TRANK1: variants seen among roughly 807,000 people sequenced by gnomAD.
The protein encoded by TRANK1 is tetratricopeptide repeat and ankyrin repeat containing 1.
A neutral mutation model predicts 266.0 loss-of-function variants in TRANK1; 198 were observed. The observed-to-expected ratio is 0.74, with a 90% confidence interval of 0.66 to 0.84. TRANK1 has a LOEUF of 0.84. TRANK1 is among the 40% of genes least tolerant of loss of function. The probability of loss-of-function intolerance (pLI) is 0.00; values close to 1 mark genes in which losing one functional copy is unlikely to be tolerated. For missense variants in TRANK1, 3,326 were observed against 3,634.6 expected (o/e 0.92, Z 2.18); for synonymous variants, 1,396 against 1,384.1 (o/e 1.01, Z -0.19).
chr3:36,831,681 C>T lies in TRANK1; in HGVS notation c.7902G>A (p.Leu2634=). The T allele has an allele frequency of 6.2e-7, 1 of 1,614,024 alleles. No individual in the cohort carries two copies. The change falls in exon 22 of 24, where the codon CTG becomes CTA. Residue 2634 remains leucine, a synonymous_variant. Coordinates refer to ENST00000645898, the MANE Select transcript of TRANK1 (RefSeq NM_001329998.2). The surrounding 1 kb of genome is among the most constrained non-coding windows in gnomAD (Gnocchi z 5.0). ...VKSVAEALQD[L]LFERDEEYLM... is the part of the protein sequence containing the mutation. Reference sequence around the variant, plus strand: ...GGTACTCTTCATCCCGCTCAAAGAGCAGGTCCTGCAGTGCCTCAGCCACAG... The same window carrying T: ...GGTACTCTTCATCCCGCTCAAAGAGTAGGTCCTGCAGTGCCTCAGCCACAG...
At chr3:36,868,559 A>G (rs1174979701) in intron 9 of TRANK1, among the ~76,000 whole-genome samples, 1 of 152,194 alleles carries the variant, frequency 6.6e-6, no homozygotes, top group Non-Finnish European at 1.5e-5. Context: ...CATTTTTATC[A>G]ATTTAAATTT....
At chr3:36,909,327 T>A (rs2080019019) in intron 1 of TRANK1, among the ~76,000 whole-genome samples, 2 of 152,208 alleles carry the variant, frequency 1.3e-5, no homozygotes, top group Non-Finnish European at 2.9e-5. Flanking sequence ...CAGTGTGGCC[T>A]GGGTGGTTGG....
rs193272569 is a variant in TRANK1, at chr3:36,928,622, C to A, written c.23+16165G>T. Among the ~76,000 whole-genome samples the A allele has an allele frequency of 2.1e-3, 320 of 152,056 alleles. 3 individuals carry two copies. The highest frequency in any genetic ancestry group is 7.2e-3 in the African/African-American group (300 of 41,484). On this transcript the variant is annotated intron_variant, in intron 1 of 23. Transcript: ENST00000645898. ...ACTAAAATAACTTGTATCTCTGTGACCTGAGGATATAGACACAGATTTTCA... is the reference window on the plus strand; with the variant it reads ...ACTAAAATAACTTGTATCTCTGTGAACTGAGGATATAGACACAGATTTTCA...
intron 9 of TRANK1, among the ~76,000 whole-genome samples, chr3:36,865,024 G>GTTGTTTTTTT (rs58393381): frequency 1.7e-5 from 2 of 119,808 alleles, no homozygotes; most frequent in Non-Finnish European, 1.7e-5. Context: ...TGTTTTTTTG[G>GTTGTTTTTTT]TTTTTTTTTT....
intron 2 of TRANK1, among the ~76,000 whole-genome samples, chr3:36,907,459 A>AT (rs1212991729): frequency 0.033 from 3,455 of 104,276 alleles, 96 homozygotes; most frequent in East Asian, 0.095. Flanking sequence ...AAATTTATTG[A>AT]TTTTTTTTTT....
chr3:36,893,810 G>T (rs898147059), intron 5 of TRANK1, among the ~76,000 whole-genome samples: 1 of 152,016 alleles, frequency 6.6e-6, no homozygotes, highest in African/African-American at 2.4e-5. Flanking sequence ...TATGGCTTTT[G>T]CCAGTGGACT....
rs1432787273 is a variant in TRANK1, at chr3:36,852,194, T to G, written c.4701A>C (p.Leu1567=). Residue 1567 remains leucine, a synonymous_variant, in exon 14 of 24, where the codon CTA becomes CTC. Coordinates refer to ENST00000645898, the MANE Select transcript of TRANK1 (RefSeq NM_001329998.2). The stretch of plus-strand genomic sequence containing the variant: ...GCTGAGTTTTCCTTTTATTCCCTCG[T>G]AGCAAAATTGCCAAGTCGCTTACAC... ...SCSVSDLAIL[L]RGNKRKTQPI... The G allele has an allele frequency of 3.1e-6, 5 of 1,609,350 alleles. No homozygotes were observed. In the African/African-American group the frequency reaches 6.7e-5, roughly 22 times the overall value.
chr3:36,879,539 T>C (rs1291022539), intron 8 of TRANK1, among the ~76,000 whole-genome samples: 1 of 110,780 alleles, frequency 9.0e-6, no homozygotes, highest in Non-Finnish European at 2.1e-5. Context: ...CCAGATTTTG[T>C]ATAAATATAT....
chr3:36,942,159 T>A (rs2080505194), intron 1 of TRANK1, among the ~76,000 whole-genome samples: 2 of 152,332 alleles, frequency 1.3e-5, no homozygotes, highest in East Asian at 3.9e-4. Context: ...GAAATGGGTC[T>A]TTGGTAGTAA....
At position 36,833,108 on chromosome 3, in the gene TRANK1, T is replaced by C. The variant is rs199934386; in HGVS notation, c.6475A>G (p.Ile2159Val). Residue 2159 changes from isoleucine (I) to valine (V), a missense_variant, in exon 22 of 24, where the codon ATA becomes GTA. Ile to Val is a conservative substitution (Grantham distance 29, BLOSUM62 3). Transcript: ENST00000645898. ...REKKTKDHFL[I>V]MTDQVKLALN... is the part of the protein sequence containing the mutation. ...GCTAATTTCACTTGGTCAGTCATTA[T>C]CAAAAAATGATCTTTTGTTTTTTTC... 9.7e-5 allele frequency: 157 copies of C among 1,612,254 alleles called. 1 individual carries two copies. The highest frequency in any genetic ancestry group is 1.8e-4 in the Admixed American group (11 of 59,736).
chr3:36,838,531 T>C (rs1355077494), intron 19 of TRANK1, 27 bp from the exon 20 acceptor site: 4 of 1,614,022 alleles, frequency 2.5e-6, no homozygotes, highest in South Asian at 1.1e-5. Context: ...AAAATAATAT[T>C]TCCACGGAAC....
At chr3:36,870,228 T>C (rs2079285717) in intron 9 of TRANK1, among the ~76,000 whole-genome samples, 1 of 152,028 alleles carries the variant, frequency 6.6e-6, no homozygotes, top group African/African-American at 2.4e-5. Context: ...ACCAACAGAG[T>C]GAAACCCCAT....
chr3:36,879,105 G>T (rs1045554190), intron 8 of TRANK1, among the ~76,000 whole-genome samples: 1 of 151,550 alleles, frequency 6.6e-6, no homozygotes, highest in Non-Finnish European at 1.5e-5. Flanking sequence ...CAGAATGATG[G>T]CATATTAGAA....
rs181961214 is a variant in TRANK1, at chr3:36,938,064, G to A, written c.23+6723C>T. ...AACCCAGCAGAGAGGTGAAAACACC[G>A]TTCACTGCTGCATGGGGAGGGTCTG... On this transcript the variant is annotated intron_variant, in intron 1 of 23. Coordinates refer to ENST00000645898, the MANE Select transcript of TRANK1 (RefSeq NM_001329998.2). Among the ~76,000 whole-genome samples the A allele has an allele frequency of 2.1e-4, 32 of 152,270 alleles. No homozygotes were observed. The South Asian group carries it at 5.2e-3, about 25-fold the overall frequency.
intron 13 of TRANK1, among the ~76,000 whole-genome samples, chr3:36,854,388 A>G (rs950320140): frequency 6.6e-6 from 1 of 152,112 alleles, no homozygotes; most frequent in African/African-American, 2.4e-5. Flanking sequence ...GAAAGAAAGA[A>G]ATCTCAACAA....
At chr3:36,887,152 G>T (rs1367017622) in intron 8 of TRANK1, among the ~76,000 whole-genome samples, 5 of 152,064 alleles carry the variant, frequency 3.3e-5, no homozygotes. Context: ...GATTTGCAAG[G>T]TAGAGATACG....
At chr3:36,850,902 G>C (rs2125534928) in intron 15 of TRANK1, 1 of 985,496 alleles carries the variant, frequency 1.0e-6, no homozygotes, top group African/African-American at 1.7e-5. Flanking sequence ...CATGTGCAAA[G>C]GAAGTCTGCA....
intron 1 of TRANK1, among the ~76,000 whole-genome samples, chr3:36,939,511 C>G (rs916579041): frequency 2.6e-5 from 4 of 152,208 alleles, no homozygotes; most frequent in African/African-American, 9.6e-5. Context: ...TCCCACTGTT[C>G]TCTCTTCCAG....
chr3:36,841,448 T>G (rs2078843531), intron 18 of TRANK1, among the ~76,000 whole-genome samples: 1 of 152,110 alleles, frequency 6.6e-6, no homozygotes, highest in South Asian at 2.1e-4. Flanking sequence ...AAATGAGCAT[T>G]TGGTATGGTC....
Sources: gnomAD v4.1 joint callset for allele counts (sites outside exome capture counted in the v4.1 genomes callset) on GRCh38, gnomAD v4.1.1 for gene constraint, Gnocchi (gnomAD v3.1) non-coding constraint, MANE v1.5 for transcripts, NCBI Gene and HGNC (gene_info 2026-07-23, HGNC 2026-07-21) for gene names.